ZNF2: variants seen among roughly 807,000 people sequenced by gnomAD.
ZNF2 encodes the protein zinc finger protein 2.2.
In ZNF2, 12 loss-of-function variants were observed where a neutral mutation model predicts 21.9. That is an observed-to-expected ratio of 0.55 (90% CI 0.35 to 0.89). ZNF2 has a LOEUF of 0.89. ZNF2 is among the 40% of genes least tolerant of loss of function. ZNF2 has a pLI of 0.01. For missense variants in ZNF2, 462 were observed against 544.2 expected (o/e 0.85, Z 1.50); for synonymous variants, 186 against 196.3 (o/e 0.95, Z 0.44).
intron 1 of ZNF2, among the ~76,000 whole-genome samples, chr2:95,169,758 C>A (rs546712922): frequency 6.6e-6 from 1 of 152,116 alleles, no homozygotes; most frequent in East Asian, 1.9e-4. Flanking sequence ...TCAAAAAAAA[C>A]AAACAAAAAA....
At chr2:95,168,590 A>G (rs892668862) in intron 1 of ZNF2, among the ~76,000 whole-genome samples, 3 of 152,336 alleles carry the variant, frequency 2.0e-5, no homozygotes, top group African/African-American at 7.2e-5. Context: ...CATAACAGCT[A>G]CTTGGTACAT....
intron 1 of ZNF2, among the ~76,000 whole-genome samples, chr2:95,174,135 C>A (rs1348674248): frequency 6.6e-6 from 1 of 152,132 alleles, no homozygotes; most frequent in African/African-American, 2.4e-5. Flanking sequence ...TGAGATAATA[C>A]ATATAAAGTG....
intron 1 of ZNF2, among the ~76,000 whole-genome samples, chr2:95,172,106 A>G (rs576473383): frequency 1.3e-5 from 2 of 152,304 alleles, no homozygotes; most frequent in East Asian, 3.9e-4. Flanking sequence ...AACAAGTGTG[A>G]TGTCTCTGCT....
At chr2:95,179,003 T>G (rs533559552) in intron 3 of ZNF2, among the ~76,000 whole-genome samples, 83 of 151,326 alleles carry the variant, frequency 5.5e-4, no homozygotes, top group African/African-American at 2.0e-3. Flanking sequence ...GTTTTTTTTT[T>G]TTTTTTGAGA....
At position 95,182,333 on chromosome 2, in the gene ZNF2, G is replaced by A. The variant is rs1003992239; in HGVS notation, c.*227G>A. On this transcript the variant is annotated 3_prime_UTR_variant, in exon 5 of 5. Transcript: ENST00000614034. ...TACAAAATTTTGAAGAGGTTTGTCA[G>A]ACAATAGGATAGATGTTAGGAGGAG... The A allele has an allele frequency of 9.4e-6, 5 of 534,646 alleles. No homozygotes were observed. Among genetic ancestry groups the A allele is most frequent in the African/African-American group, 7.6e-5 (4 of 52,928 alleles). 33.1% of individuals were successfully genotyped at this position (534,646 alleles called of 1,614,324 possible).
At chr2:95,171,718 T>G (rs918972339) in intron 1 of ZNF2, among the ~76,000 whole-genome samples, 7 of 152,332 alleles carry the variant, frequency 4.6e-5, no homozygotes, top group Admixed American at 4.6e-4. Context: ...TTTCCAACAT[T>G]TCTGCTTTCA....
At chr2:95,175,811 A>T (rs1020075305) in intron 1 of ZNF2, among the ~76,000 whole-genome samples, 1 of 152,162 alleles carries the variant, frequency 6.6e-6, no homozygotes, top group South Asian at 2.1e-4. Flanking sequence ...ATTGTCTTTG[A>T]TATGTCTTGT....
intron 4 of ZNF2, among the ~76,000 whole-genome samples, chr2:95,180,743 C>T (rs1674610230): frequency 6.6e-6 from 1 of 152,164 alleles, no homozygotes; most frequent in Non-Finnish European, 1.5e-5. Context: ...CTCCTGACCT[C>T]AGGTGATCCG....
rs371608269 is a variant in ZNF2, at chr2:95,181,427, C to G, written c.599C>G (p.Pro200Arg). ...CAGAGGACTCACACTGGGGAGAAGCCCTACGACTGCCGCGAGTGTGGGAAA... is the reference window on the plus strand; with the variant it reads ...CAGAGGACTCACACTGGGGAGAAGCGCTACGACTGCCGCGAGTGTGGGAAA... ...RHQRTHTGEK[P>R]YDCRECGKAF... Residue 200 changes from proline (P) to arginine (R), a missense_variant, in exon 5 of 5, where the codon CCC becomes CGC. Physicochemically the swap from Pro to Arg is moderately radical, Grantham distance 103. Transcript: ENST00000614034. The G allele has an allele frequency of 8.6e-5, 139 of 1,614,152 alleles. No individual in the cohort carries two copies. The African/African-American group carries it at 1.7e-3, about 20-fold the overall frequency.
At chr2:95,167,279 C>T (rs1472563049) in intron 1 of ZNF2, among the ~76,000 whole-genome samples, 7 of 151,952 alleles carry the variant, frequency 4.6e-5, no homozygotes, top group Non-Finnish European at 7.4e-5. Context: ...CTGAGGCGGG[C>T]GGATCACGAG....
In ZNF2 at chr2:95,182,080, C is replaced by T. The variant is rs375219170; in HGVS notation, c.1252C>T (p.Arg418Cys). 2.8e-5 allele frequency: 45 copies of T among 1,608,464 alleles called. No homozygotes were observed. The highest frequency in any genetic ancestry group is 3.7e-5 in the Non-Finnish European group (44 of 1,176,054). ...ATCTTCTGTTATTCAACATCAACGGCGTTACGCCAAACAGGGAATAGACTG... is the reference window on the plus strand; with the variant it reads ...ATCTTCTGTTATTCAACATCAACGGTGTTACGCCAAACAGGGAATAGACTG... ...SKSSVIQHQR[R>C]YAKQGID The change falls in exon 5 of 5, where the codon CGT becomes TGT. Residue 418 changes from arginine (R) to cysteine (C), a missense_variant. Coordinates refer to ENST00000614034, the MANE Select transcript of ZNF2 (RefSeq NM_021088.4).
intron 2 of ZNF2, among the ~76,000 whole-genome samples, chr2:95,176,535 G>T (rs1413462460): frequency 2.0e-5 from 3 of 152,194 alleles, no homozygotes; most frequent in African/African-American, 7.2e-5. Context: ...TGATTGGAAG[G>T]TTTGGGGAAT....
At chr2:95,167,505 CAAAAAAAAA>C (rs756206050) in intron 1 of ZNF2, among the ~76,000 whole-genome samples, 13 of 44,940 alleles carry the variant, frequency 2.9e-4, no homozygotes, top group African/African-American at 1.1e-3. Context: ...GACTCAGTCT[CAAAAAAAAA>C]AAAAAAAAAA....
At chr2:95,171,021 C>T (rs1424029366) in intron 1 of ZNF2, among the ~76,000 whole-genome samples, 1 of 152,190 alleles carries the variant, frequency 6.6e-6, no homozygotes, top group East Asian at 1.9e-4. Context: ...AAGTTTTAAA[C>T]ATTGCCTTCC....
At chr2:95,172,520 C>T (rs1203084623) in intron 1 of ZNF2, among the ~76,000 whole-genome samples, 7 of 152,084 alleles carry the variant, frequency 4.6e-5, no homozygotes. Flanking sequence ...TTATAACTCA[C>T]CACTCAAATT....
intron 1 of ZNF2, among the ~76,000 whole-genome samples, chr2:95,167,037 A>T (rs1464316879): frequency 2.6e-5 from 4 of 152,238 alleles, no homozygotes; most frequent in African/African-American, 9.6e-5. Context: ...CGAAGAAAGT[A>T]CAAAGACTGA....
rs573150302 is a variant in ZNF2 at position 95,167,613 on chromosome 2, C to A, written c.-40+1753C>A. 3.3e-5 allele frequency among the ~76,000 whole-genome samples: 5 copies of A among 150,734 alleles called. No homozygotes were observed. In the East Asian group the frequency reaches 9.9e-4, roughly 30 times the overall value. On this transcript the variant is annotated intron_variant, in intron 1 of 4. Coordinates refer to ENST00000614034, the MANE Select transcript of ZNF2 (RefSeq NM_021088.4). ...CTGTAATCCCAGCACTTTGGGAAGCCGAGGTGGGCAGATCACTTGACGTCA... is the reference window on the plus strand; with the variant it reads ...CTGTAATCCCAGCACTTTGGGAAGCAGAGGTGGGCAGATCACTTGACGTCA...
In ZNF2 at chr2:95,183,606, C is replaced by T. The variant is rs1558718926; in HGVS notation, c.*1500C>T. 6.7e-6 allele frequency: 1 copy of T among 150,096 alleles called. No homozygotes were observed. The highest frequency in any genetic ancestry group is 1.5e-5 in the Non-Finnish European group (1 of 67,964). 9.3% of individuals were successfully genotyped at this position (150,096 alleles called of 1,614,324 possible). A position where few individuals can be genotyped will look rare whatever the true frequency, so the allele number is the denominator to read the frequency against. On this transcript the variant is annotated 3_prime_UTR_variant, in exon 5 of 5. Coordinates refer to ENST00000614034, the MANE Select transcript of ZNF2 (RefSeq NM_021088.4). Reference sequence around the variant, plus strand: ...CAAAAACTCTTCTCTTCCCTGGGCCCAGTCCTATTTTTTTTTTTTTTTTTT... The same window carrying T: ...CAAAAACTCTTCTCTTCCCTGGGCCTAGTCCTATTTTTTTTTTTTTTTTTT...
intron 4 of ZNF2, 93 bp downstream of exon 4, chr2:95,180,365 A>G (rs1389246496): frequency 2.1e-5 from 17 of 815,158 alleles, no homozygotes; most frequent in Non-Finnish European, 3.0e-5. Context: ...TTTCTCTCAA[A>G]TTCAAGTCTT....
Sources: allele counts gnomAD v4.1 joint callset (sites outside exome capture counted in the v4.1 genomes callset), GRCh38; gene constraint gnomAD v4.1.1; transcripts MANE v1.5; gene names NCBI Gene and HGNC (gene_info 2026-07-23, HGNC 2026-07-21).